Variants in DCAF6 observed in about 807,000 individuals in gnomAD.
DCAF6 encodes DDB1 and CUL4 associated factor 6.
In DCAF6, 54 loss-of-function variants were observed where a neutral mutation model predicts 125.1. That is an observed-to-expected ratio of 0.43 (90% CI 0.35 to 0.54). The LOEUF (loss-of-function observed/expected upper bound fraction) is 0.54. DCAF6 is among the 20% of genes least tolerant of loss of function. DCAF6 has a pLI of 0.01. For missense variants in DCAF6, 934 were observed against 1,161.7 expected (o/e 0.80, Z 2.85); for synonymous variants, 371 against 390.4 (o/e 0.95, Z 0.58).
chr1:167,929,281 C>T, the DCAF6 span, among the ~76,000 whole-genome samples: 2 of 152,074 alleles, frequency 1.3e-5, no homozygotes, highest in Non-Finnish European at 2.9e-5. Flanking sequence ...ATCGCTAGAA[C>T]CCAGGAGGCA....
chr1:168,056,186 C>T (rs1173689780), intron 17 of DCAF6: 8 of 1,610,096 alleles, frequency 5.0e-6, no homozygotes, highest in Middle Eastern at 1.7e-4. Flanking sequence ...CAACATCTCC[C>T]AACGCTTCCT....
At chr1:168,052,004 CTGAG>C (rs1690003849) in intron 17 of DCAF6, among the ~76,000 whole-genome samples, 4 of 152,094 alleles carry the variant, frequency 2.6e-5, no homozygotes, top group South Asian at 4.2e-4. Flanking sequence ...CCTCAGCCTC[CTGAG>C]TATCTGGGAT....
Position 168,066,372 on chromosome 1 carries a change from T to C in DCAF6, c.2597-5T>C, listed in dbSNP as rs1196891997. 1.9e-6 allele frequency: 3 copies of C among 1,573,526 alleles called. No homozygotes were observed. The highest frequency in any genetic ancestry group is 2.6e-6 in the Non-Finnish European group (3 of 1,153,460). The stretch of plus-strand genomic sequence containing the variant: ...TTCATATTAATATATAAATTTTATT[T>C]CTAGTTTTAGCCTCATCTGGCATAG... On this transcript the variant is annotated splice_region_variant and splice_polypyrimidine_tract_variant and intron_variant, in intron 19 of 21. Coordinates refer to ENST00000367840, the MANE Select transcript of DCAF6 (RefSeq NM_001198956.2).
At chr1:167,871,968 TATGTAACAAACCTGC>T in the DCAF6 span, among the ~76,000 whole-genome samples, 2 of 152,216 alleles carry the variant, frequency 1.3e-5, no homozygotes, top group Non-Finnish European at 2.9e-5. Flanking sequence ...CATGTATACA[TATGTAACAAACCTGC>T]ACGTTGTGCA....
the DCAF6 span, among the ~76,000 whole-genome samples, chr1:167,913,022 C>A: frequency 6.6e-6 from 1 of 152,138 alleles, no homozygotes; most frequent in African/African-American, 2.4e-5. Context: ...TGTATATGAC[C>A]TAGACAAAAG....
At chr1:168,037,169 T>C (rs1687939409) in intron 12 of DCAF6, among the ~76,000 whole-genome samples, 1 of 147,950 alleles carries the variant, frequency 6.8e-6, no homozygotes, top group African/African-American at 2.5e-5. Context: ...GGCTTAAGGG[T>C]TCCTCCCACC....
At chr1:167,883,168 G>A in the DCAF6 span, among the ~76,000 whole-genome samples, 1 of 152,236 alleles carries the variant, frequency 6.6e-6, no homozygotes, top group African/African-American at 2.4e-5. Flanking sequence ...CTCCTGAGTA[G>A]CTGAGATTAC....
At chr1:168,072,294 T>TAAAAAAAAGAAAAAAAAAAA (rs1693167611) in intron 21 of DCAF6, among the ~76,000 whole-genome samples, 1 of 41,016 alleles carries the variant, frequency 2.4e-5, no homozygotes, top group African/African-American at 8.2e-5. Context: ...AGAATCAGTC[T>TAAAAAAAAGAAAAAAAAAAA]AAAAAAAAAA....
At chr1:167,995,534 G>A (rs971995110) in intron 7 of DCAF6, among the ~76,000 whole-genome samples, 9 of 152,006 alleles carry the variant, frequency 5.9e-5, no homozygotes, top group Admixed American at 2.0e-4. Flanking sequence ...ACAAAAATTA[G>A]CTGGGCTTGG....
chr1:167,996,510 A>G (rs148379154), intron 7 of DCAF6, among the ~76,000 whole-genome samples: 1 of 152,216 alleles, frequency 6.6e-6, no homozygotes, highest in Admixed American at 6.5e-5. Context: ...CTAGCTTTCT[A>G]ACCAGTCTTC....
the DCAF6 span, among the ~76,000 whole-genome samples, chr1:167,874,468 A>T: frequency 1.3e-5 from 2 of 152,186 alleles, no homozygotes; most frequent in South Asian, 4.1e-4. Context: ...AAGGATAAAG[A>T]TTGATAAAAC....
intron 12 of DCAF6, among the ~76,000 whole-genome samples, chr1:168,037,681 T>C (rs528406445): frequency 2.2e-4 from 34 of 152,226 alleles, no homozygotes; most frequent in Admixed American, 6.5e-4. Context: ...ATGTGTATTA[T>C]AGACATCATC....
At chr1:167,954,951 T>C (rs1156376237) in intron 2 of DCAF6, among the ~76,000 whole-genome samples, 1 of 152,216 alleles carries the variant, frequency 6.6e-6, no homozygotes, top group African/African-American at 2.4e-5. Flanking sequence ...AGTCAACCAA[T>C]GATCTCTATT....
intron 19 of DCAF6, 40 bp from the exon 20 acceptor site, chr1:168,066,337 G>A (rs1692329535): frequency 5.1e-6 from 7 of 1,365,642 alleles, no homozygotes; most frequent in Admixed American, 1.9e-5. Context: ...TGAATTGCAT[G>A]TTTCTAGGCT....
At chr1:167,918,272 G>A in the DCAF6 span, 7 of 1,417,288 alleles carry the variant, frequency 4.9e-6, no homozygotes, top group Non-Finnish European at 6.8e-6. Flanking sequence ...AATAAACTAG[G>A]TCCCAATGGT....
intron 17 of DCAF6, among the ~76,000 whole-genome samples, chr1:168,060,897 A>G (rs1232546875): frequency 1.3e-5 from 2 of 152,196 alleles, no homozygotes; most frequent in African/African-American, 4.8e-5. Flanking sequence ...GCTGCCATGT[A>G]AATTCTTGTT....
Position 168,066,379 on chromosome 1 carries a change from T to C in DCAF6, c.2599T>C (p.Leu867=). ...CLQPHPFDPI[L]ASSGIDYDIK... ...TAATATATAAATTTTATTTCTAGTT[T>C]TAGCCTCATCTGGCATAGATTATGA... is the stretch of plus-strand genomic sequence containing the variant. Residue 867 remains leucine, a splice_region_variant and synonymous_variant, in exon 20 of 22, where the codon TTA becomes CTA. Coordinates refer to ENST00000367840, the MANE Select transcript of DCAF6 (RefSeq NM_001198956.2). 6.3e-7 allele frequency: 1 copy of C among 1,590,880 alleles called. No individual in the cohort carries two copies. The highest frequency in any genetic ancestry group is 8.6e-7 in the Non-Finnish European group (1 of 1,166,404).
the DCAF6 span, among the ~76,000 whole-genome samples, chr1:167,898,469 G>A: frequency 1.4e-4 from 21 of 152,162 alleles, no homozygotes; most frequent in African/African-American, 3.9e-4. Flanking sequence ...GCGTGGTAGC[G>A]GGCACCTGTA....
At chr1:167,951,536 C>T (rs1009027221) in intron 1 of DCAF6, among the ~76,000 whole-genome samples, 7 of 152,142 alleles carry the variant, frequency 4.6e-5, no homozygotes, top group Admixed American at 3.9e-4. Flanking sequence ...GATCATGCCA[C>T]TGCACTCCAG....
Sources: gnomAD v4.1 joint callset for allele counts (sites outside exome capture counted in the v4.1 genomes callset) on GRCh38, gnomAD v4.1.1 for gene constraint, MANE v1.5 for transcripts, NCBI Gene and HGNC (gene_info 2026-07-23, HGNC 2026-07-21) for gene names.